The following DAPK1 variants were observed in gnomAD, a reference collection of about 807,000 sequenced individuals.
DAPK1 encodes death associated protein kinase 1.
Under a neutral mutation model 144.9 loss-of-function variants are expected in DAPK1, and 56 were observed. The observed-to-expected ratio is 0.39, with a 90% CI of 0.31 to 0.48. The LOEUF is 0.48. DAPK1 is among the 20% of genes least tolerant of loss of function. The probability of loss-of-function intolerance (pLI) is 0.95; values close to 1 mark genes in which losing one functional copy is unlikely to be tolerated. For synonymous variants in DAPK1, 690 were observed against 749.0 expected, an observed-to-expected ratio of 0.92 and a Z score of 1.29; for missense variants, 1,454 against 1,875.4, an observed-to-expected ratio of 0.78 and a Z score of 4.15.
chr9:87,548,913 CTTTTTTTTTTTTT>C (rs11291160), intron 2 of DAPK1, among the ~76,000 whole-genome samples: 6 of 63,872 alleles, frequency 9.4e-5, no homozygotes, highest in South Asian at 1.9e-3. Flanking sequence ...GATTTCATTC[CTTTTTTTTTTTTT>C]TTTTTTTTTT....
intron 21 of DAPK1, among the ~76,000 whole-genome samples, chr9:87,690,649 T>G (rs534726361): frequency 9.2e-5 from 14 of 152,208 alleles, no homozygotes; most frequent in Non-Finnish European, 1.8e-4. Context: ...CAGCTATGGG[T>G]TCATCATGTA....
intron 19 of DAPK1, among the ~76,000 whole-genome samples, chr9:87,679,421 T>G (rs1824520319): frequency 6.6e-6 from 1 of 151,914 alleles, no homozygotes. Flanking sequence ...AGGTCCTTGT[T>G]AGGGAGCAGG....
At chr9:87,657,969 A>T (rs959397278) in intron 17 of DAPK1, 60 bp from the exon 18 acceptor site, 1 of 735,670 alleles carries the variant, frequency 1.4e-6, no homozygotes, top group East Asian at 2.6e-5. Context: ...TGTCTCCGGA[A>T]TGTCATCCTC....
intron 21 of DAPK1, among the ~76,000 whole-genome samples, chr9:87,695,157 G>A (rs375711362): frequency 2.0e-4 from 30 of 152,264 alleles, no homozygotes; most frequent in South Asian, 8.3e-4. Context: ...AGCCCCAGCC[G>A]CAACCCACCT....
intron 2 of DAPK1, among the ~76,000 whole-genome samples, chr9:87,533,370 C>G (rs1825756076): frequency 6.6e-6 from 1 of 152,164 alleles, no homozygotes; most frequent in African/African-American, 2.4e-5. Context: ...TTTATGTTCT[C>G]TCAGACCGCA....
intron 2 of DAPK1, among the ~76,000 whole-genome samples, chr9:87,507,858 A>G (rs1316423336): frequency 6.6e-6 from 1 of 152,160 alleles, no homozygotes; most frequent in Non-Finnish European, 1.5e-5. Context: ...AAACTGCCTG[A>G]TTATTCTTAT....
In DAPK1 at chr9:87,662,560, G is replaced by GTTTTTTTTTTTT. The variant is rs71507734; in HGVS notation, c.1923+4447_1923+4458dup. 1.5e-3 allele frequency among the ~76,000 whole-genome samples: 47 copies of GTTTTTTTTTTTT among 32,132 alleles called. 9 individuals are homozygous for GTTTTTTTTTTTT. Among genetic ancestry groups the GTTTTTTTTTTTT allele is most frequent in the African/African-American group, 4.9e-3 (32 of 6,550 alleles). 21.1% of individuals were successfully genotyped at this position (32,132 alleles called of 152,430 possible). The stretch of plus-strand genomic sequence containing the variant: ...ACCTCCTTGGTTAAATATATTCCTA[G>GTTTTTTTTTTTT]TTTTTTTTTTTTTTTTTTTTTTTTT... On this transcript the variant is annotated intron_variant, in intron 18 of 25. Transcript: ENST00000408954.
chr9:87,659,703 C>T (rs1447916092), intron 18 of DAPK1, among the ~76,000 whole-genome samples: 1 of 152,158 alleles, frequency 6.6e-6, no homozygotes, highest in Non-Finnish European at 1.5e-5. Context: ...CTTGCTCTCC[C>T]GCTTGCCACC....
intron 19 of DAPK1, 90 bp from the exon 20 acceptor site, chr9:87,681,314 T>C: frequency 2.7e-6 from 2 of 752,774 alleles, no homozygotes; most frequent in South Asian, 1.7e-5. Flanking sequence ...TCAGCATGGG[T>C]AAAAACTGCA....
At chr9:87,651,430 C>G in intron 16 of DAPK1, 97 bp from the exon 17 acceptor site, 1 of 1,187,018 alleles carries the variant, frequency 8.4e-7, no homozygotes, top group East Asian at 2.3e-5. Context: ...GATCTTGTTG[C>G]CAATTAAACC....
intron 2 of DAPK1, among the ~76,000 whole-genome samples, chr9:87,557,814 A>G (rs962996781): frequency 2.6e-5 from 4 of 152,048 alleles, no homozygotes; most frequent in Admixed American, 1.3e-4. Context: ...GGTGGCATGC[A>G]CCTGTAGTCC....
chr9:87,508,818 A>C (rs180852704), intron 2 of DAPK1, among the ~76,000 whole-genome samples: 17 of 152,244 alleles, frequency 1.1e-4, no homozygotes, highest in African/African-American at 3.4e-4. Flanking sequence ...CTAGCACCTC[A>C]TATGTCTATC....
chr9:87,638,720 A>G (rs1374602827), intron 4 of DAPK1, among the ~76,000 whole-genome samples: 4 of 152,232 alleles, frequency 2.6e-5, no homozygotes, highest in Admixed American at 2.0e-4. Flanking sequence ...GATTCAGACC[A>G]GTAGAGCTGG....
intron 3 of DAPK1, among the ~76,000 whole-genome samples, chr9:87,625,365 G>C (rs1396092064): frequency 6.6e-6 from 1 of 152,230 alleles, no homozygotes; most frequent in Non-Finnish European, 1.5e-5. Context: ...CTCCCCAGGG[G>C]AGAGAGCCTT....
At chr9:87,601,235 C>G (rs1319985412) in intron 2 of DAPK1, among the ~76,000 whole-genome samples, 1 of 152,222 alleles carries the variant, frequency 6.6e-6, no homozygotes, top group Non-Finnish European at 1.5e-5. Context: ...TCTGTCCTCA[C>G]AGTTTGCTGG....
At chr9:87,541,644 A>G (rs1826060302) in intron 2 of DAPK1, among the ~76,000 whole-genome samples, 1 of 152,154 alleles carries the variant, frequency 6.6e-6, no homozygotes, top group African/African-American at 2.4e-5. Context: ...TCAGAGAAAA[A>G]CACTCTAGTC....
At chr9:87,589,090 G>A (rs899786760) in intron 2 of DAPK1, among the ~76,000 whole-genome samples, 3 of 95,066 alleles carry the variant, frequency 3.2e-5, no homozygotes. Context: ...GGTATTTTTA[G>A]TAGAGACAGG....
chr9:87,703,109 G>C lies in DAPK1; in HGVS notation c.2952G>C (p.Gln984His). ...PSWRKLNGPN[Q>H]LMSLQQFVYD... ...GGAGGAAGCTCAATGGACCCAACCA[G>C]CTGATGTCGCTGCAGCAGTTTGTGT... is the stretch of plus-strand genomic sequence containing the variant. Residue 984 changes from glutamine (Q) to histidine (H), a missense_variant, in exon 25 of 26, where the codon CAG becomes CAC. Physicochemically the swap from Gln to His is conservative, Grantham distance 24. Transcript: ENST00000408954. 1.2e-6 allele frequency: 2 copies of C among 1,602,310 alleles called. No individual in the cohort carries two copies. Among genetic ancestry groups the C allele is most frequent in the African/African-American group, 1.3e-5 (1 of 74,772 alleles).
intron 2 of DAPK1, among the ~76,000 whole-genome samples, chr9:87,570,350 A>G (rs530571660): frequency 6.6e-6 from 1 of 152,346 alleles, no homozygotes; most frequent in South Asian, 2.1e-4. Context: ...GAAGTTGTCC[A>G]TTAGCAAAGA....
Sources: allele counts gnomAD v4.1 joint callset (sites outside exome capture counted in the v4.1 genomes callset), GRCh38; gene constraint gnomAD v4.1.1; transcripts MANE v1.5; gene names NCBI Gene and HGNC (gene_info 2026-07-23, HGNC 2026-07-21).